Variants in MYO10 observed in about 807,000 individuals in gnomAD.
MYO10 encodes unconventional myosin-X.
In MYO10, 133 loss-of-function variants were observed where a neutral mutation model predicts 257.3. The observed-to-expected ratio is 0.52, with a 90% CI of 0.45 to 0.60. MYO10 has a LOEUF of 0.60. Among genes scored for constraint, MYO10 ranks in the 20% least tolerant of loss-of-function variants. The pLI, the probability that MYO10 is intolerant of heterozygous loss-of-function variation, is 0.00. For synonymous variants in MYO10, 1,104 were observed against 1,028.6 expected, an observed-to-expected ratio of 1.07 and a Z score of -1.40; for missense variants, 2,399 against 2,635.7, an observed-to-expected ratio of 0.91 and a Z score of 1.97.
At chr5:16,757,119 T>TAAAA (rs58155620) in intron 18 of MYO10, among the ~76,000 whole-genome samples, 2 of 100,132 alleles carry the variant, frequency 2.0e-5, no homozygotes, top group African/African-American at 4.1e-5. Flanking sequence ...ACTCTGCCTT[T>TAAAA]AAAAAAAAAA....
intron 1 of MYO10, among the ~76,000 whole-genome samples, chr5:16,897,025 G>A (rs563548389): frequency 6.0e-4 from 91 of 152,222 alleles, no homozygotes; most frequent in South Asian, 8.3e-4. Flanking sequence ...CAGGCAGGAA[G>A]GAAGGAAAGA....
intron 3 of MYO10, among the ~76,000 whole-genome samples, chr5:16,813,101 T>C (rs1306491351): frequency 1.5e-4 from 23 of 152,152 alleles, no homozygotes; most frequent in Admixed American, 1.5e-3. Flanking sequence ...TACCTGGCGA[T>C]GAGCCACTTG....
At chr5:16,756,341 C>T (rs533350607) in intron 18 of MYO10, among the ~76,000 whole-genome samples, 3 of 152,336 alleles carry the variant, frequency 2.0e-5, no homozygotes, top group Non-Finnish European at 4.4e-5. Flanking sequence ...GCTGGGATTA[C>T]AGGCATGTGT....
intron 19 of MYO10, among the ~76,000 whole-genome samples, chr5:16,752,872 C>T (rs537679349): frequency 5.3e-4 from 81 of 152,252 alleles, no homozygotes; most frequent in African/African-American, 1.8e-3. Flanking sequence ...AAAAGCTATG[C>T]ATTTTTTTAT....
chr5:16,820,181 C>G (rs1221965400), intron 2 of MYO10, among the ~76,000 whole-genome samples: 1 of 152,212 alleles, frequency 6.6e-6, no homozygotes, highest in African/African-American at 2.4e-5. Context: ...TCATCAACAC[C>G]ATGGAAGAAA....
At chr5:16,725,231 C>T (rs1739314449) in intron 19 of MYO10, among the ~76,000 whole-genome samples, 1 of 151,870 alleles carries the variant, frequency 6.6e-6, no homozygotes, top group South Asian at 2.1e-4. Context: ...GGATTACAGA[C>T]ATGCATCACC....
At chr5:16,758,017 A>G in intron 18 of MYO10, 101 bp downstream of exon 18, 2 of 902,200 alleles carry the variant, frequency 2.2e-6, no homozygotes, top group South Asian at 3.0e-5. Flanking sequence ...AAACAAAAAT[A>G]AACAAATATT....
intron 37 of MYO10, 130 bp from the exon 38 acceptor site, chr5:16,671,672 A>G (rs774914607): frequency 2.1e-5 from 24 of 1,156,916 alleles, no homozygotes; most frequent in Non-Finnish European, 2.9e-5. Context: ...AACAGTGGAT[A>G]GAGATGGGGA....
intron 19 of MYO10, among the ~76,000 whole-genome samples, chr5:16,754,106 A>C (rs34763081): frequency 0.016 from 2,460 of 152,314 alleles, 76 homozygotes; most frequent in African/African-American, 0.056. Flanking sequence ...TTTCTCACAT[A>C]AGAAGCATTC....
chr5:16,823,159 T>C (rs894572517), intron 2 of MYO10, among the ~76,000 whole-genome samples: 1 of 148,394 alleles, frequency 6.7e-6, no homozygotes, highest in Non-Finnish European at 1.5e-5. Context: ...ATGGCATTAC[T>C]GGCTGGGCTC....
intron 1 of MYO10, among the ~76,000 whole-genome samples, chr5:16,884,220 G>A (rs1424485624): frequency 6.6e-6 from 1 of 152,070 alleles, no homozygotes; most frequent in African/African-American, 2.4e-5. Flanking sequence ...GAGAGACCCT[G>A]TCTCTTATTT....
chr5:16,697,865 T>C (rs1350125723), intron 26 of MYO10, among the ~76,000 whole-genome samples: 1 of 152,150 alleles, frequency 6.6e-6, no homozygotes, highest in African/African-American at 2.4e-5. Flanking sequence ...AAGGTTCTCA[T>C]ATCCCTGCCC....
intron 2 of MYO10, among the ~76,000 whole-genome samples, chr5:16,841,142 T>C (rs1743468084): frequency 7.0e-6 from 1 of 142,998 alleles, no homozygotes; most frequent in Non-Finnish European, 1.5e-5. Flanking sequence ...CGGAAATGCA[T>C]CTCAAAAAAA....
intron 22 of MYO10, 114 bp from the exon 23 acceptor site, chr5:16,703,272 C>T (rs1024650296): frequency 2.9e-5 from 22 of 761,940 alleles, no homozygotes; most frequent in East Asian, 1.1e-4. Context: ...TAGAATGAGA[C>T]TCTCATTATG....
intron 1 of MYO10, among the ~76,000 whole-genome samples, chr5:16,897,064 A>G (rs549198973): frequency 1.3e-5 from 2 of 152,290 alleles, no homozygotes; most frequent in East Asian, 1.9e-4. Context: ...TCTGTCAAGG[A>G]AACAACGCAT....
At chr5:16,786,072 A>G (rs1047044369) in intron 4 of MYO10, among the ~76,000 whole-genome samples, 5 of 149,990 alleles carry the variant, frequency 3.3e-5, no homozygotes, top group African/African-American at 1.2e-4. Flanking sequence ...ACATCTCCCA[A>G]GCAAAGAAGC....
At chr5:16,843,637 C>T (rs1428153227) in intron 2 of MYO10, among the ~76,000 whole-genome samples, 2 of 152,184 alleles carry the variant, frequency 1.3e-5, no homozygotes, top group Non-Finnish European at 2.9e-5. Flanking sequence ...TTTCTATCAG[C>T]AAGCACTCTT....
At chr5:16,933,974 A>G (rs1746364896) in intron 1 of MYO10, among the ~76,000 whole-genome samples, 1 of 152,214 alleles carries the variant, frequency 6.6e-6, no homozygotes, top group Non-Finnish European at 1.5e-5. Context: ...AGCTCTTCAA[A>G]GCTGGGCAAG....
At chr5:16,866,967 C>T (rs557431434) in intron 2 of MYO10, among the ~76,000 whole-genome samples, 1 of 152,312 alleles carries the variant, frequency 6.6e-6, no homozygotes, top group Non-Finnish European at 1.5e-5. Context: ...ACCTGGAGAG[C>T]GGGCCAGCTG....
Sources: gnomAD v4.1 joint callset for allele counts (sites outside exome capture counted in the v4.1 genomes callset) on GRCh38, gnomAD v4.1.1 for gene constraint, MANE v1.5 for transcripts, NCBI Gene and HGNC (gene_info 2026-07-23, HGNC 2026-07-21) for gene names.